RHOB: variants seen among roughly 807,000 people sequenced by gnomAD.
RHOB encodes the protein ras homolog family member B.
Under a neutral mutation model 12.9 loss-of-function variants are expected in RHOB, and 6 were observed. That is an observed-to-expected ratio of 0.47 (90% CI 0.25 to 0.92). The LOEUF (loss-of-function observed/expected upper bound fraction) is 0.92. Among genes scored for constraint, RHOB ranks in the 40% least tolerant of loss-of-function variants. RHOB has a pLI of 0.16. For missense variants in RHOB, 142 were observed against 277.9 expected, an observed-to-expected ratio of 0.51 and a Z score of 3.48; for synonymous variants, 168 against 122.1, an observed-to-expected ratio of 1.38 and a Z score of -2.48.
chr2:20,448,872 T>A lies in RHOB; in HGVS notation c.*816T>A, dbSNP rs1427458906. Reference sequence around the variant, plus strand: ...AATTGTTCAGTCCAAGAAACTGATGTTATTTGATTTATTTAAAGGCTAAAA... The same window carrying A: ...AATTGTTCAGTCCAAGAAACTGATGATATTTGATTTATTTAAAGGCTAAAA... On this transcript the variant is annotated 3_prime_UTR_variant, in exon 1 of 1. Transcript: ENST00000272233. 6.0e-6 allele frequency: 1 copy of A among 167,144 alleles called. No homozygotes were observed. Among genetic ancestry groups the A allele is most frequent in the Middle Eastern group, 3.1e-3 (1 of 318 alleles). The allele number at this position is 167,144 out of a possible 1,614,324, so 10.4% of individuals were successfully genotyped here. A position where few individuals can be genotyped will look rare whatever the true frequency, so the allele number is the denominator to read the frequency against.
At position 20,447,410 on chromosome 2, in the gene RHOB, G is replaced by A. The variant is rs1691019318; in HGVS notation, c.-56G>A. The stretch of plus-strand genomic sequence containing the variant: ...CCGAGGTGAGCAGTGAGCGGCGAGC[G>A]GGAGGGCAGCGAGGCGTTCGCGGGC... On this transcript the variant is annotated 5_prime_UTR_variant, in exon 1 of 1. Transcript: ENST00000272233. 1 of 1,403,142 alleles carries A rather than the reference G, an allele frequency of 7.1e-7. No individual in the cohort carries two copies. The highest frequency in any genetic ancestry group is 9.7e-7 in the Non-Finnish European group (1 of 1,031,264). 86.9% of individuals were successfully genotyped at this position (1,403,142 alleles called of 1,614,324 possible).
chr2:20,448,112 C>G lies in RHOB; in HGVS notation c.*56C>G. On this transcript the variant is annotated 3_prime_UTR_variant, in exon 1 of 1. Transcript: ENST00000272233. ...GCACGGCTCCCCCTCCTGGACCAGT[C>G]CCCCGCGAGCCCGGAGAAGGGGAGA... is the stretch of plus-strand genomic sequence containing the variant. 1.4e-6 allele frequency: 2 copies of G among 1,442,394 alleles called. No individual in the cohort carries two copies. Among genetic ancestry groups the G allele is most frequent in the Admixed American group, 2.0e-5 (1 of 49,292 alleles). 89.3% of individuals were successfully genotyped at this position (1,442,394 alleles called of 1,614,324 possible).
At position 20,447,383 on chromosome 2, in the gene RHOB, G is replaced by T; in HGVS notation, c.-83G>T. On this transcript the variant is annotated 5_prime_UTR_variant, in exon 1 of 1. Coordinates refer to ENST00000272233, the MANE Select transcript of RHOB (RefSeq NM_004040.4). ...GCGACCCTCTCGCCACCTGCGCGCA[G>T]CCCGAGGTGAGCAGTGAGCGGCGAG... 1 of 1,129,646 alleles carries T rather than the reference G, an allele frequency of 8.9e-7. No homozygotes were observed. The highest frequency in any genetic ancestry group is 1.2e-6 in the Non-Finnish European group (1 of 821,698). 70.0% of individuals were successfully genotyped at this position (1,129,646 alleles called of 1,614,324 possible).
rs1307410207 is a variant in RHOB, at chr2:20,447,165, C to A, written c.-301C>A. On this transcript the variant is annotated 5_prime_UTR_variant, in exon 1 of 1. Transcript: ENST00000272233. ...AGAGAGCTAGGCCGAGTCCACCGCC[C>A]GAGTCTGCTGCCCGAGCCCGCGTTA... is the stretch of plus-strand genomic sequence containing the variant. 6.7e-6 allele frequency: 2 copies of A among 300,364 alleles called. No individual in the cohort carries two copies. Among genetic ancestry groups the A allele is most frequent in the Non-Finnish European group, 6.1e-6 (1 of 164,556 alleles). 18.6% of individuals were successfully genotyped at this position (300,364 alleles called of 1,614,324 possible). A position where few individuals can be genotyped will look rare whatever the true frequency, so the allele number is the denominator to read the frequency against.
Position 20,449,236 on chromosome 2 carries a change from G to A in RHOB, c.*1180G>A, listed in dbSNP as rs1472276511. 3 of 166,596 alleles carry A rather than the reference G, an allele frequency of 1.8e-5. No homozygotes were observed. Among genetic ancestry groups the A allele is most frequent in the African/African-American group, 7.3e-5 (3 of 41,280 alleles). The allele number at this position is 166,596 out of a possible 1,614,324, so 10.3% of individuals were successfully genotyped here. ...GAAATTTTCTCTGCACCTCTGTACA[G>A]AGAATACACCTGCCCCTGTATATCC... On this transcript the variant is annotated 3_prime_UTR_variant, in exon 1 of 1. Transcript: ENST00000272233.
At position 20,447,441 on chromosome 2, in the gene RHOB, C is replaced by T. The variant is rs557234173; in HGVS notation, c.-25C>T. ...GCAGCGAGGCGTTCGCGGGCCCCCT[C>T]CTGCTGCCCGGGCCCGGCCCGCTCA... On this transcript the variant is annotated 5_prime_UTR_variant, in exon 1 of 1. Coordinates refer to ENST00000272233, the MANE Select transcript of RHOB (RefSeq NM_004040.4). 2.5e-6 allele frequency: 4 copies of T among 1,573,752 alleles called. No individual in the cohort carries two copies. The highest frequency in any genetic ancestry group is 1.3e-5 in the African/African-American group (1 of 74,214).
Position 20,448,098 on chromosome 2 carries a change from C to A in RHOB, c.*42C>A. The A allele has an allele frequency of 2.0e-6, 3 of 1,517,520 alleles. No homozygotes were observed. The highest frequency in any genetic ancestry group is 2.4e-5 in the South Asian group (2 of 83,438). The allele number at this position is 1,517,520 out of a possible 1,614,324, so 94.0% of individuals were successfully genotyped here. On this transcript the variant is annotated 3_prime_UTR_variant, in exon 1 of 1. Coordinates refer to ENST00000272233, the MANE Select transcript of RHOB (RefSeq NM_004040.4). ...GCCTGCCCCTGCCGGCACGGCTCCC[C>A]CTCCTGGACCAGTCCCCCGCGAGCC... is the stretch of plus-strand genomic sequence containing the variant.
chr2:20,448,920 A>G lies in RHOB; in HGVS notation c.*864A>G, dbSNP rs1012336695. The G allele has an allele frequency of 4.2e-5, 7 of 167,126 alleles. No homozygotes were observed. Among genetic ancestry groups the G allele is most frequent in the Non-Finnish European group, 1.0e-4 (7 of 68,124 alleles). The allele number at this position is 167,126 out of a possible 1,614,324, so 10.4% of individuals were successfully genotyped here. A position where few individuals can be genotyped will look rare whatever the true frequency, so the allele number is the denominator to read the frequency against. On this transcript the variant is annotated 3_prime_UTR_variant, in exon 1 of 1. Coordinates refer to ENST00000272233, the MANE Select transcript of RHOB (RefSeq NM_004040.4). ...AAATTTGTTTTTTTATTCTTTGCACAATTGTTTCATTGTTTGACACTTAAT... is the reference window on the plus strand; with the variant it reads ...AAATTTGTTTTTTTATTCTTTGCACGATTGTTTCATTGTTTGACACTTAAT...
chr2:20,448,145 C>T lies in RHOB; in HGVS notation c.*89C>T. 2 of 1,132,240 alleles carry T rather than the reference C, an allele frequency of 1.8e-6. No individual in the cohort carries two copies. The highest frequency in any genetic ancestry group is 2.5e-5 in the East Asian group (1 of 39,380). 70.1% of individuals were successfully genotyped at this position (1,132,240 alleles called of 1,614,324 possible). On this transcript the variant is annotated 3_prime_UTR_variant, in exon 1 of 1. Coordinates refer to ENST00000272233, the MANE Select transcript of RHOB (RefSeq NM_004040.4). Reference sequence around the variant, plus strand: ...AGCCCGGAGAAGGGGAGACCCGTGTCCCACAAGGACCCCACCGGCCTGCCT... The same window carrying T: ...AGCCCGGAGAAGGGGAGACCCGTGTTCCACAAGGACCCCACCGGCCTGCCT...
chr2:20,447,552 G>A lies in RHOB; in HGVS notation c.87G>A (p.Glu29=), dbSNP rs755850348. 1 of 1,614,162 alleles carries A rather than the reference G, an allele frequency of 6.2e-7. No individual in the cohort carries two copies. The change falls in exon 1 of 1, where the codon GAG becomes GAA. Residue 29 remains glutamate (E), a synonymous_variant. Transcript: ENST00000272233. ...TGCTGATCGTGTTCAGTAAGGACGA[G>A]TTCCCCGAGGTGTACGTGCCCACCG... ...TCLLIVFSKD[E]FPEVYVPTVF...
At position 20,447,930 on chromosome 2, in the gene RHOB, C is replaced by T. The variant is rs143264692; in HGVS notation, c.465C>T (p.Asp155=). ...TGGCCGTGCGCATCCAAGCCTACGA[C>T]TACCTCGAGTGCTCTGCCAAGACCA... ...RAMAVRIQAY[D]YLECSAKTKE... Residue 155 remains aspartate (D), a synonymous_variant, in exon 1 of 1, where the codon GAC becomes GAT. Transcript: ENST00000272233. The T allele has an allele frequency of 5.8e-5, 94 of 1,613,206 alleles. No individual in the cohort carries two copies. Among genetic ancestry groups the T allele is most frequent in the Admixed American group, 1.3e-4 (8 of 60,032 alleles).
At position 20,447,669 on chromosome 2, in the gene RHOB, C is replaced by A. The variant is rs61754182; in HGVS notation, c.204C>A (p.Arg68=). 1 of 1,613,774 alleles carries A rather than the reference C, an allele frequency of 6.2e-7. No homozygotes were observed. The highest frequency in any genetic ancestry group is 8.5e-7 in the Non-Finnish European group (1 of 1,179,964). The change falls in exon 1 of 1, where the codon CGC becomes CGA. Residue 68 remains arginine (R), a synonymous_variant. Coordinates refer to ENST00000272233, the MANE Select transcript of RHOB (RefSeq NM_004040.4). ...CGGCGGGCCAGGAGGACTACGACCG[C>A]CTGCGGCCGCTCTCCTACCCGGACA... ...WDTAGQEDYD[R]LRPLSYPDTD...
chr2:20,447,546 G>A lies in RHOB; in HGVS notation c.81G>A (p.Lys27=), dbSNP rs1389219286. Residue 27 remains lysine, a synonymous_variant, in exon 1 of 1, where the codon AAG becomes AAA. Transcript: ENST00000272233. The part of the protein sequence containing the change: ...GKTCLLIVFS[K]DEFPEVYVPT... ...CGTGCCTGCTGATCGTGTTCAGTAA[G>A]GACGAGTTCCCCGAGGTGTACGTGC... The A allele has an allele frequency of 6.2e-7, 1 of 1,614,170 alleles. No individual in the cohort carries two copies. Among genetic ancestry groups the A allele is most frequent in the Non-Finnish European group, 8.5e-7 (1 of 1,180,036 alleles).
Position 20,448,901 on chromosome 2 carries a change from GTTT to G in RHOB, c.*850_*852del, listed in dbSNP as rs546526980. ...TTGATTTATTTAAAGGCTAAAATTT[GTTT>G]TTTTATTCTTTGCACAATTGTTTCA... is the stretch of plus-strand genomic sequence containing the variant. On this transcript the variant is annotated 3_prime_UTR_variant, in exon 1 of 1. Coordinates refer to ENST00000272233, the MANE Select transcript of RHOB (RefSeq NM_004040.4). The G allele has an allele frequency of 3.0e-5, 5 of 167,162 alleles. No homozygotes were observed. In the East Asian group the frequency reaches 9.6e-4, roughly 32 times the overall value. The allele number at this position is 167,162 out of a possible 1,614,324, so 10.4% of individuals were successfully genotyped here.
In RHOB at chr2:20,448,902, T is replaced by C. The variant is rs1691055454; in HGVS notation, c.*846T>C. On this transcript the variant is annotated 3_prime_UTR_variant, in exon 1 of 1. Coordinates refer to ENST00000272233, the MANE Select transcript of RHOB (RefSeq NM_004040.4). ...TGATTTATTTAAAGGCTAAAATTTG[T>C]TTTTTTATTCTTTGCACAATTGTTT... 1 of 167,016 alleles carries C rather than the reference T, an allele frequency of 6.0e-6. No individual in the cohort carries two copies. The highest frequency in any genetic ancestry group is 6.6e-5 in the Admixed American group (1 of 15,260). The allele number at this position is 167,016 out of a possible 1,614,324, so 10.3% of individuals were successfully genotyped here.
In RHOB at chr2:20,447,305, G is replaced by C. The variant is rs1196792464; in HGVS notation, c.-161G>C. ...CCCGCGCCCCCACCGCCCCCGCCGC[G>C]GCAGCCGAAGCGCAGCGAGAGAACG... On this transcript the variant is annotated 5_prime_UTR_variant, in exon 1 of 1. Coordinates refer to ENST00000272233, the MANE Select transcript of RHOB (RefSeq NM_004040.4). 2 of 486,752 alleles carry C rather than the reference G, an allele frequency of 4.1e-6. No homozygotes were observed. The highest frequency in any genetic ancestry group is 2.0e-5 in the African/African-American group (1 of 49,110). 30.2% of individuals were successfully genotyped at this position (486,752 alleles called of 1,614,324 possible).
In RHOB at chr2:20,447,614, G is replaced by A. The variant is rs1341957519; in HGVS notation, c.149G>A (p.Gly50Asp). The A allele has an allele frequency of 2.5e-6, 4 of 1,613,974 alleles. No individual in the cohort carries two copies. The highest frequency in any genetic ancestry group is 3.4e-6 in the Non-Finnish European group (4 of 1,180,048). ...TATGTGGCCGACATTGAGGTGGACG[G>A]CAAGCAGGTGGAGCTGGCGCTGTGG... ...ENYVADIEVD[G>D]KQVELALWDT... The change falls in exon 1 of 1, where the codon GGC becomes GAC. Residue 50 changes from glycine (G) to aspartate (D), a missense_variant. Physicochemically the swap from Gly to Asp is moderately conservative, Grantham distance 94. This residue lies in a region of RHOB where 29 missense variants were observed against 111.5 expected (regional missense o/e 0.26). Transcript: ENST00000272233.
At position 20,448,964 on chromosome 2, in the gene RHOB, C is replaced by A. The variant is rs1417221267; in HGVS notation, c.*908C>A. On this transcript the variant is annotated 3_prime_UTR_variant, in exon 1 of 1. Transcript: ENST00000272233. ...ACTTAATGCACTCGTCATTTGCATA[C>A]GACAGTAGCATTCTGACCACACTTG... The A allele has an allele frequency of 6.0e-6, 1 of 167,070 alleles. No individual in the cohort carries two copies. Among genetic ancestry groups the A allele is most frequent in the African/African-American group, 2.4e-5 (1 of 41,446 alleles). 10.3% of individuals were successfully genotyped at this position (167,070 alleles called of 1,614,324 possible). A position where few individuals can be genotyped will look rare whatever the true frequency, so the allele number is the denominator to read the frequency against.
chr2:20,447,807 G>A lies in RHOB; in HGVS notation c.342G>A (p.Leu114=), dbSNP rs1691028079. The change falls in exon 1 of 1, where the codon CTG becomes CTA. Residue 114 remains leucine, a synonymous_variant. Transcript: ENST00000272233. Reference sequence around the variant, plus strand: ...TCTGTCCCAATGTGCCCATCATCCTGGTGGCCAACAAAAAAGACCTGCGCA... The same window carrying A: ...TCTGTCCCAATGTGCCCATCATCCTAGTGGCCAACAAAAAAGACCTGCGCA... ...KHFCPNVPII[L]VANKKDLRSD... is the part of the protein sequence containing the mutation. The A allele has an allele frequency of 4.3e-6, 7 of 1,613,868 alleles. No individual in the cohort carries two copies. The East Asian group carries it at 1.6e-4, about 36-fold the overall frequency.
Sources: gnomAD v4.1 joint callset for allele counts on GRCh38, gnomAD v4.1.1 for gene constraint, gnomAD v4.1.1 regional missense constraint, MANE v1.5 for transcripts, NCBI Gene and HGNC (gene_info 2026-07-23, HGNC 2026-07-21) for gene names.